Variants in HES1 observed in about 807,000 individuals in gnomAD.
The protein encoded by HES1 is hes family bHLH transcription factor 1, also known as transcription factor HES-1.
A neutral mutation model predicts 21.0 loss-of-function variants in HES1; 7 were observed. That is an observed-to-expected ratio of 0.33 (90% CI 0.19 to 0.63). The LOEUF (loss-of-function observed/expected upper bound fraction) is 0.63, where lower values mean the gene tolerates loss of function less well. HES1 is among the 20% of genes least tolerant of loss of function. The probability of loss-of-function intolerance (pLI) is 0.78; values close to 1 mark genes in which losing one functional copy is unlikely to be tolerated. For synonymous variants in HES1, 169 were observed against 171.2 expected, an observed-to-expected ratio of 0.99 and a Z score of 0.10; for missense variants, 338 against 389.8, an observed-to-expected ratio of 0.87 and a Z score of 1.12.
At position 194,138,025 on chromosome 3, in the gene HES1, C is replaced by A; in HGVS notation, c.635C>A (p.Ala212Glu). Residue 212 changes from alanine (A) to glutamate (E), a missense_variant, in exon 4 of 4, where the codon GCG becomes GAG. Coordinates refer to ENST00000232424, the MANE Select transcript of HES1 (RefSeq NM_005524.4). ...AAGCTGGGCAGCCAGGCTGGAGAGG[C>A]GGCTAAGGTGTTTGGAGGCTTCCAG... is the stretch of plus-strand genomic sequence containing the variant. ...PCKLGSQAGEAAKVFGGFQVV... is the reference protein window; with the variant it reads ...PCKLGSQAGEEAKVFGGFQVV... The A allele has an allele frequency of 1.3e-6, 2 of 1,574,420 alleles. No individual in the cohort carries two copies. The highest frequency in any genetic ancestry group is 1.2e-5 in the South Asian group (1 of 86,278).
chr3:194,136,918 G>A (rs1430609409), intron 2 of HES1, 43 bp from the exon 3 acceptor site: 1 of 1,579,902 alleles, frequency 6.3e-7, no homozygotes, highest in Non-Finnish European at 8.7e-7. Context: ...CTCTGAAGCA[G>A]CTGACACGGG....
At position 194,138,304 on chromosome 3, in the gene HES1, C is replaced by CTT; in HGVS notation, c.*72_*73dup. On this transcript the variant is annotated 3_prime_UTR_variant, in exon 4 of 4. Transcript: ENST00000232424. ...CTTCCCTCCGGACTCTAAACAGGAA[C>CTT]TTGAATACTGGGAGAGAAGAGGACT... 3 of 1,378,518 alleles carry CTT rather than the reference C, an allele frequency of 2.2e-6. No individual in the cohort carries two copies. The highest frequency in any genetic ancestry group is 2.8e-6 in the Non-Finnish European group (3 of 1,055,496). 85.4% of individuals were successfully genotyped at this position (1,378,518 alleles called of 1,614,324 possible).
Position 194,137,792 on chromosome 3 carries a change from G to A in HES1, c.402G>A (p.Glu134=), listed in dbSNP as rs758663080. ...CCACGTGCGAGGGCGTTAATACCGA[G>A]GTGCGCACTCGGCTGCTCGGCCACC... ...FLSTCEGVNT[E]VRTRLLGHLA... The change falls in exon 4 of 4, where the codon GAG becomes GAA. Residue 134 remains glutamate, a synonymous_variant. Coordinates refer to ENST00000232424, the MANE Select transcript of HES1 (RefSeq NM_005524.4). This position sits in a 1 kb window ranked among gnomAD's most constrained non-coding sequence, Gnocchi z 5.4. 3 of 1,613,612 alleles carry A rather than the reference G, an allele frequency of 1.9e-6. No homozygotes were observed. Among genetic ancestry groups the A allele is most frequent in the Admixed American group, 1.7e-5 (1 of 60,008 alleles).
Position 194,137,174 on chromosome 3 carries a change from CG to C in HES1, c.292+127del. The C allele has an allele frequency of 1.3e-6, 1 of 754,970 alleles. No individual in the cohort carries two copies. Among genetic ancestry groups the C allele is most frequent in the Non-Finnish European group, 2.3e-6 (1 of 431,162 alleles). 46.8% of individuals were successfully genotyped at this position (754,970 alleles called of 1,614,324 possible). ...ATTTTACTGCCTTGGCTCACTCTTG[CG>C]TTCCCACGGTCTGGGGCTTATTTAT... On this transcript the variant is annotated intron_variant, in intron 3 of 3. Coordinates refer to ENST00000232424, the MANE Select transcript of HES1 (RefSeq NM_005524.4). The surrounding 1 kb of genome is among the most constrained non-coding windows in gnomAD (Gnocchi z 5.4).
At chr3:194,136,547 C>A in intron 1 of HES1, 59 bp downstream of exon 1, 1 of 1,555,648 alleles carries the variant, frequency 6.4e-7, no homozygotes, top group East Asian at 2.2e-5. Context: ...GGTTGGGGGG[C>A]TTCTTTCTGT....
rs1225277719 is a variant in HES1, at chr3:194,136,288, T to C, written c.-93T>C. 1.4e-6 allele frequency: 1 copy of C among 740,226 alleles called. No individual in the cohort carries two copies. The allele number at this position is 740,226 out of a possible 1,614,324, so 45.9% of individuals were successfully genotyped here. A position where few individuals can be genotyped will look rare whatever the true frequency, so the allele number is the denominator to read the frequency against. The stretch of plus-strand genomic sequence containing the variant: ...CACTTGCTCAGTAGTTTTGTGAAAG[T>C]CTCAAGTAAAAGAGACACAAACAAA... On this transcript the variant is annotated 5_prime_UTR_variant, in exon 1 of 4. Transcript: ENST00000232424.
chr3:194,136,548 T>G, intron 1 of HES1, 60 bp downstream of exon 1: 1 of 1,564,788 alleles, frequency 6.4e-7, no homozygotes, highest in African/African-American at 1.4e-5. Context: ...GTTGGGGGGC[T>G]TCTTTCTGTC....
rs1715376292 is a variant in HES1 at position 194,137,593 on chromosome 3, G to C, written c.293-90G>C. ...GCAGTTTCACGGGCGCATGGTCAGG[G>C]AGGCGCGCCACAGGGACCTCCCAGG... On this transcript the variant is annotated intron_variant, in intron 3 of 3. Coordinates refer to ENST00000232424, the MANE Select transcript of HES1 (RefSeq NM_005524.4). This position sits in a 1 kb window ranked among gnomAD's most constrained non-coding sequence, Gnocchi z 5.4. 1.5e-6 allele frequency: 2 copies of C among 1,374,322 alleles called. No individual in the cohort carries two copies. The highest frequency in any genetic ancestry group is 5.2e-5 in the East Asian group (2 of 38,774). 85.1% of individuals were successfully genotyped at this position (1,374,322 alleles called of 1,614,324 possible).
rs1281407675 is a variant in HES1 at position 194,137,013 on chromosome 3, A to G, written c.257A>G (p.Lys86Arg). 2 of 1,614,098 alleles carry G rather than the reference A, an allele frequency of 1.2e-6. No homozygotes were observed. Among genetic ancestry groups the G allele is most frequent in the South Asian group, 1.1e-5 (1 of 91,092 alleles). Residue 86 changes from lysine (K) to arginine (R), a missense_variant, in exon 3 of 4, where the codon AAG becomes AGG. Transcript: ENST00000232424. This position sits in a 1 kb window ranked among gnomAD's most constrained non-coding sequence, Gnocchi z 5.4. ...GCGGACATTCTGGAAATGACAGTGA[A>G]GCACCTCCGGAACCTGCAGCGGGCG... Reference protein sequence around the residue: ...EKADILEMTVKHLRNLQRAQM... With the variant: ...EKADILEMTVRHLRNLQRAQM...
chr3:194,136,309 AC>A lies in HES1; in HGVS notation c.-71del. 1.1e-6 allele frequency: 1 copy of A among 929,244 alleles called. No individual in the cohort carries two copies. Among genetic ancestry groups the A allele is most frequent in the African/African-American group, 1.7e-5 (1 of 59,260 alleles). 57.6% of individuals were successfully genotyped at this position (929,244 alleles called of 1,614,324 possible). On this transcript the variant is annotated 5_prime_UTR_variant, in exon 1 of 4. Transcript: ENST00000232424. ...AAAGTCTCAAGTAAAAGAGACACAA[AC>A]AAAAAATTCTTTTTCGTGAAGAACT... is the stretch of plus-strand genomic sequence containing the variant.
rs776494944 is a variant in HES1 at position 194,138,083 on chromosome 3, C to A, written c.693C>A (p.Phe231Leu). Residue 231 changes from phenylalanine (F) to leucine (L), a missense_variant, in exon 4 of 4, where the codon TTC becomes TTA. Coordinates refer to ENST00000232424, the MANE Select transcript of HES1 (RefSeq NM_005524.4). ...VVPAPDGQFA[F>L]LIPNGAFAHS... ...CGGCTCCCGATGGCCAGTTTGCTTT[C>A]CTCATTCCCAACGGGGCCTTCGCGC... is the stretch of plus-strand genomic sequence containing the variant. The A allele has an allele frequency of 1.9e-6, 3 of 1,611,652 alleles. No homozygotes were observed. The highest frequency in any genetic ancestry group is 2.5e-6 in the Non-Finnish European group (3 of 1,179,354).
rs368018053 is a variant in HES1, at chr3:194,137,011, G to A, written c.255G>A (p.Val85=). 1.5e-5 allele frequency: 24 copies of A among 1,614,104 alleles called. No homozygotes were observed. The African/African-American group carries it at 2.9e-4, about 20-fold the overall frequency. ...LEKADILEMT[V]KHLRNLQRAQ... ...AGGCGGACATTCTGGAAATGACAGTGAAGCACCTCCGGAACCTGCAGCGGG... is the reference window on the plus strand; with the variant it reads ...AGGCGGACATTCTGGAAATGACAGTAAAGCACCTCCGGAACCTGCAGCGGG... Residue 85 remains valine (V), a synonymous_variant, in exon 3 of 4, where the codon GTG becomes GTA. Coordinates refer to ENST00000232424, the MANE Select transcript of HES1 (RefSeq NM_005524.4). This position sits in a 1 kb window ranked among gnomAD's most constrained non-coding sequence, Gnocchi z 5.4.
At position 194,137,969 on chromosome 3, in the gene HES1, CGCGGCGCCCCCTCCCG is replaced by C; in HGVS notation, c.592_607del (p.Pro198AlafsTer113). ...CGCCACTCGTGCCCATCCCCGGGGG[CGCGGCGCCCCCTCCCG>C]GCGGCGCCCCCTGCAAGCTGGGCAG... On this transcript the variant is annotated frameshift_variant, in exon 4 of 4. Transcript: ENST00000232424. LOFTEE classifies it high-confidence loss of function. This position sits in a 1 kb window ranked among gnomAD's most constrained non-coding sequence, Gnocchi z 5.4. 3 of 1,376,620 alleles carry C rather than the reference CGCGGCGCCCCCTCCCG, an allele frequency of 2.2e-6. No homozygotes were observed. Among genetic ancestry groups the C allele is most frequent in the Admixed American group, 3.0e-5 (1 of 32,810 alleles). The allele number at this position is 1,376,620 out of a possible 1,614,324, so 85.3% of individuals were successfully genotyped here.
rs2108588962 is a variant in HES1 at position 194,137,652 on chromosome 3, G to C, written c.293-31G>C. ...AGTGGCCACGGGGCCAGGGCCGTTC[G>C]GTGACCCGTCTGTCTCTTTCTGGCC... On this transcript the variant is annotated intron_variant, in intron 3 of 3. Transcript: ENST00000232424. This position sits in a 1 kb window ranked among gnomAD's most constrained non-coding sequence, Gnocchi z 5.4. The C allele has an allele frequency of 6.5e-7, 1 of 1,548,006 alleles. No homozygotes were observed. Among genetic ancestry groups the C allele is most frequent in the Non-Finnish European group, 8.8e-7 (1 of 1,141,748 alleles).
rs370545766 is a variant in HES1 at position 194,136,611 on chromosome 3, T to C, written c.109-6T>C. 3.1e-5 allele frequency: 49 copies of C among 1,602,938 alleles called. No individual in the cohort carries two copies. The Middle Eastern group carries it at 5.0e-4, about 16-fold the overall frequency. ...GGGAACACAGAACTCTTTTTTTTAT[T>C]TGCAGTCATCAAAGCCTATTATGGA... On this transcript the variant is annotated splice_polypyrimidine_tract_variant and splice_region_variant and intron_variant, in intron 1 of 3. Coordinates refer to ENST00000232424, the MANE Select transcript of HES1 (RefSeq NM_005524.4).
Position 194,136,310 on chromosome 3 carries a change from C to CA in HES1, c.-65dup. 1.1e-6 allele frequency: 1 copy of CA among 901,386 alleles called. No individual in the cohort carries two copies. The allele number at this position is 901,386 out of a possible 1,614,324, so 55.8% of individuals were successfully genotyped here. A position where few individuals can be genotyped will look rare whatever the true frequency, so the allele number is the denominator to read the frequency against. ...AAGTCTCAAGTAAAAGAGACACAAA[C>CA]AAAAAATTCTTTTTCGTGAAGAACT... On this transcript the variant is annotated 5_prime_UTR_variant, in exon 1 of 4. Coordinates refer to ENST00000232424, the MANE Select transcript of HES1 (RefSeq NM_005524.4).
Position 194,136,984 on chromosome 3 carries a change from G to C in HES1, c.228G>C (p.Glu76Asp). The C allele has an allele frequency of 6.2e-7, 1 of 1,614,236 alleles. No homozygotes were observed. The highest frequency in any genetic ancestry group is 8.5e-7 in the Non-Finnish European group (1 of 1,180,034). ...KKDSSRHSKLEKADILEMTVK... is the reference protein window; with the variant it reads ...KKDSSRHSKLDKADILEMTVK... Reference sequence around the variant, plus strand: ...AGAGCTCGCGGCATTCCAAGCTGGAGAAGGCGGACATTCTGGAAATGACAG... The same window carrying C: ...AGAGCTCGCGGCATTCCAAGCTGGACAAGGCGGACATTCTGGAAATGACAG... Residue 76 changes from glutamate to aspartate, a missense_variant, in exon 3 of 4, where the codon GAG becomes GAC. Coordinates refer to ENST00000232424, the MANE Select transcript of HES1 (RefSeq NM_005524.4).
In HES1 at chr3:194,138,321, A is replaced by C; in HGVS notation, c.*88A>C. The C allele has an allele frequency of 7.6e-7, 1 of 1,315,736 alleles. No homozygotes were observed. 81.5% of individuals were successfully genotyped at this position (1,315,736 alleles called of 1,614,324 possible). On this transcript the variant is annotated 3_prime_UTR_variant, in exon 4 of 4. Coordinates refer to ENST00000232424, the MANE Select transcript of HES1 (RefSeq NM_005524.4). ...AACAGGAACTTGAATACTGGGAGAG[A>C]AGAGGACTTTTTTGATTAAGTGGTT... is the stretch of plus-strand genomic sequence containing the variant.
chr3:194,137,672 C>T lies in HES1; in HGVS notation c.293-11C>T, dbSNP rs772094953. Reference sequence around the variant, plus strand: ...CGTTCGGTGACCCGTCTGTCTCTTTCTGGCCCGCAGCTGCGCTGAGCACAG... The same window carrying T: ...CGTTCGGTGACCCGTCTGTCTCTTTTTGGCCCGCAGCTGCGCTGAGCACAG... On this transcript the variant is annotated splice_polypyrimidine_tract_variant and intron_variant, in intron 3 of 3. Transcript: ENST00000232424. This position sits in a 1 kb window ranked among gnomAD's most constrained non-coding sequence, Gnocchi z 5.4. 1 of 1,567,084 alleles carries T rather than the reference C, an allele frequency of 6.4e-7. No homozygotes were observed. Among genetic ancestry groups the T allele is most frequent in the African/African-American group, 1.4e-5 (1 of 72,854 alleles).
Sources: allele counts gnomAD v4.1 joint callset, GRCh38; gene constraint gnomAD v4.1.1; non-coding constraint Gnocchi (gnomAD v3.1); transcripts MANE v1.5; gene names NCBI Gene and HGNC (gene_info 2026-07-23, HGNC 2026-07-21).